The following TENM2 variants were observed in gnomAD, a reference collection of about 807,000 sequenced individuals.
TENM2 encodes the protein teneurin-2.
A neutral mutation model predicts 245.2 loss-of-function variants in TENM2; 52 were observed. The observed-to-expected ratio is 0.21, with a 90% confidence interval of 0.17 to 0.27. TENM2 has a LOEUF of 0.27. Among genes scored for constraint, TENM2 ranks in the 10% least tolerant of loss-of-function variants. The probability of loss-of-function intolerance (pLI) is 1.00; values close to 1 mark genes in which losing one functional copy is unlikely to be tolerated. For missense variants in TENM2, 3,046 were observed against 3,666.8 expected (o/e 0.83, Z 4.37); for synonymous variants, 1,363 against 1,438.9 (o/e 0.95, Z 1.19).
At chr5:167,346,544 G>A (rs1202298063) in intron 1 of TENM2, among the ~76,000 whole-genome samples, 2 of 152,244 alleles carry the variant, frequency 1.3e-5, no homozygotes, top group South Asian at 2.1e-4. Flanking sequence ...AGAGTTCTCC[G>A]AGGTCATTTC....
At chr5:167,391,622 C>CAAAAAAAAAA (rs56202184) in intron 2 of TENM2, among the ~76,000 whole-genome samples, 1 of 53,510 alleles carries the variant, frequency 1.9e-5, no homozygotes. Flanking sequence ...AAGACTTCAT[C>CAAAAAAAAAA]AAAAAAAAAA....
At chr5:168,216,368 G>A (rs898827135) in intron 21 of TENM2, among the ~76,000 whole-genome samples, 1 of 152,150 alleles carries the variant, frequency 6.6e-6, no homozygotes, top group African/African-American at 2.4e-5. Context: ...TGCTGCAATC[G>A]GTTGTGAAGT....
chr5:167,181,500 G>GTGTGTGTGTGTGTGTA, the TENM2 span, among the ~76,000 whole-genome samples: 1 of 147,048 alleles, frequency 6.8e-6, no homozygotes, highest in Non-Finnish European at 1.5e-5. Context: ...GTGTGTGTGT[G>GTGTGTGTGTGTGTGTA]TGTATGTGTA....
chr5:167,952,626 C>G (rs1405085102), exon 4 of TENM2: 3 of 1,612,686 alleles, frequency 1.9e-6, no homozygotes, highest in Middle Eastern at 1.6e-4. Context: ...TCTGAGGCCC[C>G]CTCTCCCACC....
intron 2 of TENM2, among the ~76,000 whole-genome samples, chr5:167,657,371 T>C (rs908457179): frequency 2.6e-5 from 4 of 152,202 alleles, no homozygotes; most frequent in African/African-American, 9.6e-5. Flanking sequence ...ATTTTCTTTA[T>C]CCATTCATCT....
At chr5:167,080,169 G>T in the TENM2 span, among the ~76,000 whole-genome samples, 9 of 152,298 alleles carry the variant, frequency 5.9e-5, no homozygotes, top group African/African-American at 1.9e-4. Context: ...TGGGATGGGT[G>T]TCTAAAATAT....
the TENM2 span, among the ~76,000 whole-genome samples, chr5:167,173,706 A>AGT: frequency 0.082 from 11,891 of 144,214 alleles, 741 homozygotes; most frequent in East Asian, 0.29. Context: ...AGGTGATTTG[A>AGT]GTGTGTGTGT....
chr5:167,016,065 T>C, the TENM2 span, among the ~76,000 whole-genome samples: 5 of 151,740 alleles, frequency 3.3e-5, no homozygotes, highest in African/African-American at 7.3e-5. Context: ...CCATCCTAGC[T>C]AACACGATGA....
At chr5:167,822,204 A>T (rs1767588664) in intron 2 of TENM2, among the ~76,000 whole-genome samples, 1 of 151,938 alleles carries the variant, frequency 6.6e-6, no homozygotes, top group Non-Finnish European at 1.5e-5. Context: ...CCTCTCGGTC[A>T]CATTGTGAAT....
intron 2 of TENM2, among the ~76,000 whole-genome samples, chr5:167,841,091 C>G (rs910642799): frequency 2.7e-5 from 4 of 149,962 alleles, no homozygotes; most frequent in African/African-American, 9.8e-5. Flanking sequence ...GAGTCTCGCT[C>G]TGTCAACCCG....
intron 4 of TENM2, 112 bp from the exon 7 acceptor site, chr5:167,992,832 T>G: frequency 1.3e-6 from 1 of 752,614 alleles, no homozygotes; most frequent in Non-Finnish European, 2.2e-6. Flanking sequence ...CAGGGTAAGC[T>G]TAGTTAACTA....
chr5:168,044,325 G>A (rs1788437492), intron 5 of TENM2, among the ~76,000 whole-genome samples: 1 of 152,196 alleles, frequency 6.6e-6, no homozygotes, highest in Non-Finnish European at 1.5e-5. Context: ...TGAGGCAAGA[G>A]AATGGCCTGA....
At chr5:167,498,820 C>T (rs1338691220) in intron 2 of TENM2, among the ~76,000 whole-genome samples, 1 of 151,836 alleles carries the variant, frequency 6.6e-6, no homozygotes, top group Non-Finnish European at 1.5e-5. Flanking sequence ...TTTTTTATTT[C>T]AGGAGAGGAT....
intron 2 of TENM2, among the ~76,000 whole-genome samples, chr5:167,608,573 G>A (rs1288854247): frequency 1.3e-5 from 2 of 152,190 alleles, no homozygotes; most frequent in Non-Finnish European, 2.9e-5. Flanking sequence ...CGGCAGCGCC[G>A]ACATCCCCTC....
chr5:168,025,354 A>G (rs1028472623), intron 5 of TENM2, among the ~76,000 whole-genome samples: 6 of 152,246 alleles, frequency 3.9e-5, no homozygotes, highest in African/African-American at 1.4e-4. Flanking sequence ...AGAATGGTTA[A>G]AGTGGAAAAG....
chr5:167,493,699 G>A (rs767901325), intron 2 of TENM2, among the ~76,000 whole-genome samples: 14 of 152,064 alleles, frequency 9.2e-5, no homozygotes, highest in South Asian at 2.1e-4. Context: ...CTGAACATCC[G>A]TATCTAGAAT....
intron 3 of TENM2, among the ~76,000 whole-genome samples, chr5:167,923,273 C>T (rs900394515): frequency 1.3e-5 from 2 of 151,556 alleles, no homozygotes; most frequent in African/African-American, 2.4e-5. Context: ...GAGCTGAGAT[C>T]GCACCACTGC....
At chr5:167,352,058 C>G (rs1009521509) in intron 1 of TENM2, among the ~76,000 whole-genome samples, 3 of 152,104 alleles carry the variant, frequency 2.0e-5, no homozygotes, top group Non-Finnish European at 4.4e-5. Context: ...TTTGGACTGT[C>G]CTTTTTCAAA....
At chr5:167,790,778 C>T (rs1381711330) in intron 2 of TENM2, among the ~76,000 whole-genome samples, 1 of 152,164 alleles carries the variant, frequency 6.6e-6, no homozygotes, top group East Asian at 1.9e-4. Context: ...CGCATAGGAT[C>T]CCTGCAAAGA....
Sources: allele counts gnomAD v4.1 joint callset (sites outside exome capture counted in the v4.1 genomes callset), GRCh38; gene constraint gnomAD v4.1.1; transcripts MANE v1.5; gene names NCBI Gene and HGNC (gene_info 2026-07-23, HGNC 2026-07-21).